The following RBPJL variants were observed in gnomAD, a reference collection of about 807,000 sequenced individuals.
RBPJL encodes the protein recombination signal binding protein for immunoglobulin kappa J region like.
Under a neutral mutation model 57.6 loss-of-function variants are expected in RBPJL, and 50 were observed. The observed-to-expected ratio is 0.87, with a 90% confidence interval of 0.69 to 1.10. RBPJL has a LOEUF of 1.10. Among genes scored for constraint, RBPJL ranks in the 50% least tolerant of loss-of-function variants. The pLI is 0.00. For synonymous variants in RBPJL, 303 were observed against 294.4 expected (o/e 1.03, Z -0.30); for missense variants, 684 against 693.7 (o/e 0.99, Z 0.16).
chr20:45,313,006 T>TC (rs1987266185), intron 6 of RBPJL, among the ~76,000 whole-genome samples: 1 of 88,538 alleles, frequency 1.1e-5, no homozygotes. Flanking sequence ...AGATGCTATC[T>TC]CAAAAAAAAA....
chr20:45,317,010 GGC>G lies in RBPJL; in HGVS notation c.*55_*56del. On this transcript the variant is annotated 3_prime_UTR_variant, in exon 12 of 12. Transcript: ENST00000343694. ...ACCCTGGAGGGCTGCGCCCGCGCCA[GGC>G]GCGGGGACGTGTTTCTGGGTTCTAG... 2 of 1,563,176 alleles carry G rather than the reference GGC, an allele frequency of 1.3e-6. No homozygotes were observed. The highest frequency in any genetic ancestry group is 1.7e-6 in the Non-Finnish European group (2 of 1,154,764).
In RBPJL at chr20:45,312,240, C is replaced by T. The variant is rs895865009; in HGVS notation, c.464C>T (p.Thr155Ile). 6.2e-7 allele frequency: 1 copy of T among 1,614,242 alleles called. No homozygotes were observed. Among genetic ancestry groups the T allele is most frequent in the Non-Finnish European group, 8.5e-7 (1 of 1,180,040 alleles). Residue 155 changes from threonine to isoleucine, a missense_variant, in exon 6 of 12, where the codon ACC (threonine) becomes ATC (isoleucine). Coordinates refer to ENST00000343694, the MANE Select transcript of RBPJL (RefSeq NM_014276.4). The stretch of plus-strand genomic sequence containing the variant: ...CCCTAGGAATTCGGCTGCGCCAAGA[C>T]CCTGTACATCTCAGATGCAGACAAG... ...PDSREFGCAK[T>I]LYISDADKRK...
chr20:45,315,220 A>G (rs930304750), intron 9 of RBPJL, among the ~76,000 whole-genome samples: 8 of 152,254 alleles, frequency 5.3e-5, no homozygotes, highest in African/African-American at 1.9e-4. Flanking sequence ...GGAAAATTAT[A>G]GAATGTGGAA....
chr20:45,313,997 C>T (rs779917051), intron 7 of RBPJL, 38 bp from the exon 8 acceptor site: 88 of 1,451,340 alleles, frequency 6.1e-5, no homozygotes, highest in Middle Eastern at 3.5e-4. Flanking sequence ...GCTTGGGGGC[C>T]GCTGAAAACC....
Position 45,316,869 on chromosome 20 carries a change from C to T in RBPJL, c.1464C>T (p.Val488=). Residue 488 remains valine, a synonymous_variant, in exon 12 of 12, where the codon GTC becomes GTT. Transcript: ENST00000343694. ...EYSVRPGHPG[V]PEPATDADAL... is the part of the protein sequence containing the mutation. Reference sequence around the variant, plus strand: ...GCGTGCGGCCGGGTCACCCCGGCGTCCCCGAGCCCGCCACCGACGCCGACG... The same window carrying T: ...GCGTGCGGCCGGGTCACCCCGGCGTTCCCGAGCCCGCCACCGACGCCGACG... 6.2e-7 allele frequency: 1 copy of T among 1,613,572 alleles called. No homozygotes were observed. Among genetic ancestry groups the T allele is most frequent in the Non-Finnish European group, 8.5e-7 (1 of 1,179,540 alleles).
Position 45,309,558 on chromosome 20 carries a change from T to C in RBPJL, c.132-9T>C. 1 of 1,602,204 alleles carries C rather than the reference T, an allele frequency of 6.2e-7. No individual in the cohort carries two copies. Among genetic ancestry groups the C allele is most frequent in the African/African-American group, 1.3e-5 (1 of 74,520 alleles). On this transcript the variant is annotated splice_polypyrimidine_tract_variant and intron_variant, in intron 2 of 11. Coordinates refer to ENST00000343694, the MANE Select transcript of RBPJL (RefSeq NM_014276.4). ...CTGTGGCTGGTCGACCTGCCTGCCCTACTCCCAGGTCATCCCCAGAGCACA... is the reference window on the plus strand; with the variant it reads ...CTGTGGCTGGTCGACCTGCCTGCCCCACTCCCAGGTCATCCCCAGAGCACA...
At chr20:45,308,424 A>C in intron 2 of RBPJL, 173 bp downstream of exon 2, 1 of 594,158 alleles carries the variant, frequency 1.7e-6, no homozygotes, top group South Asian at 2.0e-5. Flanking sequence ...GGGCAAACCC[A>C]GCACCCCCTG....
Position 45,308,362 on chromosome 20 carries a change from G to A in RBPJL, c.131+111G>A, listed in dbSNP as rs925113044. On this transcript the variant is annotated intron_variant, in intron 2 of 11. Coordinates refer to ENST00000343694, the MANE Select transcript of RBPJL (RefSeq NM_014276.4). ...CTGGCGGGTGGGGAGGGGAAGTGCA[G>A]GCTGCAACCCCTCCCACTGGCAGGG... The A allele has an allele frequency of 8.3e-6, 6 of 718,884 alleles. No homozygotes were observed. The African/African-American group carries it at 1.0e-4, about 13-fold the overall frequency. The allele number at this position is 718,884 out of a possible 1,614,324, so 44.5% of individuals were successfully genotyped here.
At chr20:45,313,282 C>T (rs1987281907) in intron 6 of RBPJL, among the ~76,000 whole-genome samples, 186 bp from the exon 7 acceptor site, 1 of 151,798 alleles carries the variant, frequency 6.6e-6, no homozygotes, top group Non-Finnish European at 1.5e-5. Context: ...CCCCCTCCCT[C>T]ACCCTAACCC....
Position 45,316,743 on chromosome 20 carries a change from G to T in RBPJL, c.1338G>T (p.Trp446Cys), listed in dbSNP as rs1166914273. ...ACGTGGCGGCCTTCTGCAGCGACTG[G>T]CGCTGGCTGCGCGCTCCCATCACAA... ...VPDVAAFCSD[W>C]RWLRAPITIP... The change falls in exon 12 of 12, where the codon TGG (tryptophan) becomes TGT (cysteine). Residue 446 changes from tryptophan (W) to cysteine (C), a missense_variant. Physicochemically the swap from Trp to Cys is radical, Grantham distance 215. Coordinates refer to ENST00000343694, the MANE Select transcript of RBPJL (RefSeq NM_014276.4). 1 of 1,613,374 alleles carries T rather than the reference G, an allele frequency of 6.2e-7. No homozygotes were observed. The highest frequency in any genetic ancestry group is 1.1e-5 in the South Asian group (1 of 91,060).
At chr20:45,308,019 G>A in intron 1 of RBPJL, 124 bp from the exon 2 acceptor site, 2 of 633,472 alleles carry the variant, frequency 3.2e-6, no homozygotes, top group Non-Finnish European at 5.7e-6. Flanking sequence ...TGAGGGTGGG[G>A]GCTCGATTTG....
Position 45,309,571 on chromosome 20 carries a change from T to G in RBPJL, c.136T>G (p.Ser46Ala). 1 of 1,607,154 alleles carries G rather than the reference T, an allele frequency of 6.2e-7. No homozygotes were observed. Among genetic ancestry groups the G allele is most frequent in the Non-Finnish European group, 8.5e-7 (1 of 1,176,620 alleles). The part of the protein sequence containing the change: ...RSLPGTWTRS[S>A]PEHTTILRGG... ...ACCTGCCTGCCCTACTCCCAGGTCA[T>G]CCCCAGAGCACACCACCATTCTGAG... Residue 46 changes from serine (S) to alanine (A), a missense_variant, in exon 3 of 12, where the codon TCC becomes GCC. Transcript: ENST00000343694.
chr20:45,317,354 G>A lies in RBPJL; in HGVS notation c.*395G>A, dbSNP rs116771043. ...TCTCACACACAATTTTACATGCCCC[G>A]AGGAGCCAAGTTTGGGACATTTACC... On this transcript the variant is annotated 3_prime_UTR_variant, in exon 12 of 12. Transcript: ENST00000343694. The A allele has an allele frequency of 2.5e-3, 501 of 204,460 alleles. 7 individuals are homozygous for A. Among genetic ancestry groups the A allele is most frequent in the African/African-American group, 9.9e-3 (429 of 43,300 alleles). The allele number at this position is 204,460 out of a possible 1,614,324, so 12.7% of individuals were successfully genotyped here.
chr20:45,311,637 G>A lies in RBPJL; in HGVS notation c.306G>A (p.Arg102=). The A allele has an allele frequency of 1.2e-6, 2 of 1,614,202 alleles. No homozygotes were observed. Among genetic ancestry groups the A allele is most frequent in the Non-Finnish European group, 1.7e-6 (2 of 1,180,036 alleles). ...TCTACCTCTCGGGGCCTGGCTGGAG[G>A]GTGAAGCCAGGGCAGGATCAAGGTG... ...PCVYLSGPGW[R]VKPGQDQAHQ... Residue 102 remains arginine (R), a synonymous_variant, in exon 4 of 12, where the codon AGG becomes AGA. Transcript: ENST00000343694.
Position 45,311,582 on chromosome 20 carries a change from T to G in RBPJL, c.258-7T>G. The G allele has an allele frequency of 6.2e-7, 1 of 1,614,036 alleles. No homozygotes were observed. The highest frequency in any genetic ancestry group is 8.5e-7 in the Non-Finnish European group (1 of 1,179,968). ...TGCACGACTCCAACACTCACTTATC[T>G]CCGCAGGTTCTTCTGCCCCCCGCCC... On this transcript the variant is annotated splice_polypyrimidine_tract_variant and splice_region_variant and intron_variant, in intron 3 of 11. Coordinates refer to ENST00000343694, the MANE Select transcript of RBPJL (RefSeq NM_014276.4).
At chr20:45,315,602 G>A (rs1349496579) in intron 9 of RBPJL, among the ~76,000 whole-genome samples, 1 of 151,798 alleles carries the variant, frequency 6.6e-6, no homozygotes, top group Admixed American at 6.6e-5. Flanking sequence ...TTATTTGGGC[G>A]TGGTGGCTGG....
chr20:45,316,020 G>C, intron 9 of RBPJL, 167 bp from the exon 10 acceptor site: 1 of 502,078 alleles, frequency 2.0e-6, no homozygotes. Context: ...TTAACGCTAA[G>C]TGAGAGAACT....
At chr20:45,314,641 A>G (rs1987367181) in intron 9 of RBPJL, 76 bp downstream of exon 9, 1 of 1,432,644 alleles carries the variant, frequency 7.0e-7, no homozygotes, top group African/African-American at 1.4e-5. Flanking sequence ...TAAGATCATC[A>G]CCCTCACCAT....
intron 5 of RBPJL, 74 bp downstream of exon 5, chr20:45,312,028 T>C: frequency 6.9e-7 from 1 of 1,440,548 alleles, no homozygotes. Flanking sequence ...GCTCCTTTAC[T>C]CCCCTCCGAA....
Sources: gnomAD v4.1 joint callset for allele counts (sites outside exome capture counted in the v4.1 genomes callset) on GRCh38, gnomAD v4.1.1 for gene constraint, MANE v1.5 for transcripts, NCBI Gene and HGNC (gene_info 2026-07-23, HGNC 2026-07-21) for gene names.